The following CDC42SE2 variants were observed in gnomAD, a reference collection of about 807,000 sequenced individuals.
CDC42SE2 encodes the protein CDC42 small effector protein 2.
In CDC42SE2, 3 loss-of-function variants were observed where a neutral mutation model predicts 11.5. The observed-to-expected ratio is 0.26, with a 90% CI of 0.12 to 0.67. The LOEUF (loss-of-function observed/expected upper bound fraction) is 0.67, where lower values mean the gene tolerates loss of function less well. Ranked by LOEUF, CDC42SE2 falls within the 30% of genes least tolerant of loss-of-function variation. CDC42SE2 has a pLI of 0.80. For synonymous variants in CDC42SE2, 33 were observed against 34.8 expected (o/e 0.95, Z 0.18); for missense variants, 82 against 106.8 (o/e 0.77, Z 1.02).
At chr5:131,305,384 C>T (rs762391928) in intron 1 of CDC42SE2, among the ~76,000 whole-genome samples, 10 of 152,188 alleles carry the variant, frequency 6.6e-5, no homozygotes, top group Non-Finnish European at 1.0e-4. Flanking sequence ...GAGAGCTCTG[C>T]TGTGCAACCT....
chr5:131,343,180 G>A (rs572169091), intron 2 of CDC42SE2, among the ~76,000 whole-genome samples: 1 of 151,848 alleles, frequency 6.6e-6, no homozygotes, highest in Non-Finnish European at 1.5e-5. Flanking sequence ...GAAATAGATG[G>A]GAGGAAAAAG....
rs1561574603 is a variant in CDC42SE2, at chr5:131,292,923, A to AAAC, written c.-454-23051_-454-23050insCAA. Among the ~76,000 whole-genome samples the AAAC allele has an allele frequency of 1.1e-4, 16 of 147,398 alleles. 1 individual carries two copies. Among genetic ancestry groups the AAAC allele is most frequent in the African/African-American group, 4.2e-4 (16 of 38,450 alleles). ...CCCTGTCTCAAAAAAAAAAAAAAAAAAAAAAAAAAAACAGAAACAAACTAT... is the reference window on the plus strand; with the variant it reads ...CCCTGTCTCAAAAAAAAAAAAAAAAAAACAAAAAAAAAAACAGAAACAAACTAT... On this transcript the variant is annotated intron_variant, in intron 1 of 4. Transcript: ENST00000505065.
At chr5:131,365,307 GA>G (rs1580781081) in intron 3 of CDC42SE2, among the ~76,000 whole-genome samples, 2 of 150,948 alleles carry the variant, frequency 1.3e-5, no homozygotes, top group Non-Finnish European at 3.0e-5. Context: ...AAAAAAAAAA[GA>G]AAACATCAAA....
At chr5:131,268,343 G>A (rs937839742) in intron 1 of CDC42SE2, among the ~76,000 whole-genome samples, 3 of 151,688 alleles carry the variant, frequency 2.0e-5, no homozygotes, top group East Asian at 1.9e-4. Flanking sequence ...GATTACAGGC[G>A]TGAGCCACCG....
At chr5:131,290,221 C>T (rs761988711) in intron 1 of CDC42SE2, among the ~76,000 whole-genome samples, 37 of 152,052 alleles carry the variant, frequency 2.4e-4, no homozygotes, top group Non-Finnish European at 3.8e-4. Context: ...TGCTTGGATA[C>T]GTCAATTTTA....
chr5:131,331,889 A>G (rs191365370), intron 2 of CDC42SE2, among the ~76,000 whole-genome samples: 1 of 152,320 alleles, frequency 6.6e-6, no homozygotes. Context: ...CAAATACCAC[A>G]TTTAAAAACA....
chr5:131,281,093 C>G (rs1023210832), intron 1 of CDC42SE2, among the ~76,000 whole-genome samples: 1 of 152,050 alleles, frequency 6.6e-6, no homozygotes, highest in Non-Finnish European at 1.5e-5. Context: ...ATCAAAGATC[C>G]TTTAAGGATT....
chr5:131,267,747 T>C (rs1476335940), intron 1 of CDC42SE2, among the ~76,000 whole-genome samples: 2 of 152,162 alleles, frequency 1.3e-5, no homozygotes, highest in Non-Finnish European at 2.9e-5. Flanking sequence ...TGGGATAGGT[T>C]GCTGTTATGT....
intron 1 of CDC42SE2, among the ~76,000 whole-genome samples, chr5:131,312,603 G>GT (rs1337772136): frequency 5.3e-5 from 8 of 152,156 alleles, no homozygotes; most frequent in African/African-American, 1.9e-4. Flanking sequence ...CTCCGTGGGC[G>GT]TAGGACCCTC....
At chr5:131,371,777 T>C (rs1750018009) in intron 3 of CDC42SE2, among the ~76,000 whole-genome samples, 1 of 152,220 alleles carries the variant, frequency 6.6e-6, no homozygotes, top group Non-Finnish European at 1.5e-5. Flanking sequence ...TGAACACCCA[T>C]GTTGGATATA....
In CDC42SE2 at chr5:131,367,802, C is replaced by G. The variant is rs978836519; in HGVS notation, c.54+8255C>G. Among the ~76,000 whole-genome samples, 4 of 152,182 alleles carry G rather than the reference C, an allele frequency of 2.6e-5. No homozygotes were observed. The Middle Eastern group carries it at 0.014, about 521-fold the overall frequency. ...TTTGTGCTTAAGAATTTTTTCTTACCTCTCATTCATAAGGATAATTCACCC... is the reference window on the plus strand; with the variant it reads ...TTTGTGCTTAAGAATTTTTTCTTACGTCTCATTCATAAGGATAATTCACCC... On this transcript the variant is annotated intron_variant, in intron 3 of 4. Transcript: ENST00000505065.
At chr5:131,379,159 A>G (rs1750241885) in intron 3 of CDC42SE2, among the ~76,000 whole-genome samples, 1 of 152,254 alleles carries the variant, frequency 6.6e-6, no homozygotes, top group Non-Finnish European at 1.5e-5. Context: ...ATTTGCATAA[A>G]TGATTGCTAT....
At chr5:131,368,252 CAAAAAAA>C (rs543328653) in intron 3 of CDC42SE2, among the ~76,000 whole-genome samples, 1 of 65,432 alleles carries the variant, frequency 1.5e-5, no homozygotes, top group Non-Finnish European at 3.8e-5. Flanking sequence ...GACTCCATCT[CAAAAAAA>C]AAAAAAAAAA....
chr5:131,324,062 T>C (rs1758248629), intron 2 of CDC42SE2, among the ~76,000 whole-genome samples: 1 of 152,234 alleles, frequency 6.6e-6, no homozygotes, highest in African/African-American at 2.4e-5. Context: ...AGTAAATTAC[T>C]TGCAGTTCTT....
intron 3 of CDC42SE2, among the ~76,000 whole-genome samples, chr5:131,370,526 T>C (rs1749988273): frequency 6.6e-6 from 1 of 151,960 alleles, no homozygotes; most frequent in African/African-American, 2.4e-5. Context: ...TCTTGCTTTG[T>C]TGCCCAGGCT....
At chr5:131,361,880 G>A (rs1749719507) in intron 3 of CDC42SE2, among the ~76,000 whole-genome samples, 2 of 152,118 alleles carry the variant, frequency 1.3e-5, no homozygotes, top group African/African-American at 2.4e-5. Context: ...TCTTGTGCAG[G>A]CGTGTTCCCT....
intron 2 of CDC42SE2, among the ~76,000 whole-genome samples, chr5:131,358,340 AGG>A (rs1749613061): frequency 6.6e-6 from 1 of 152,190 alleles, no homozygotes; most frequent in African/African-American, 2.4e-5. Context: ...AACTGATCTT[AGG>A]GATGCCTAGA....
intron 4 of CDC42SE2, among the ~76,000 whole-genome samples, chr5:131,387,276 C>T (rs1172354214): frequency 2.0e-5 from 3 of 152,072 alleles, no homozygotes; most frequent in African/African-American, 2.4e-5. Flanking sequence ...AGGCCAGGCA[C>T]GGTGGCTCAC....
intron 2 of CDC42SE2, among the ~76,000 whole-genome samples, chr5:131,348,343 C>G (rs1758908542): frequency 6.6e-6 from 1 of 152,142 alleles, no homozygotes; most frequent in Admixed American, 6.6e-5. Context: ...CATTCTTATA[C>G]ATCAATAACA....
Sources: allele counts gnomAD v4.1 joint callset (sites outside exome capture counted in the v4.1 genomes callset), GRCh38; gene constraint gnomAD v4.1.1; transcripts MANE v1.5; gene names NCBI Gene and HGNC (gene_info 2026-07-23, HGNC 2026-07-21).